NUP37: variants seen among roughly 807,000 people sequenced by gnomAD.
The protein encoded by NUP37 is nucleoporin 37.
In NUP37, 33 loss-of-function variants were observed where a neutral mutation model predicts 45.4. That is an observed-to-expected ratio of 0.73 (90% CI 0.55 to 0.97). The LOEUF is 0.97. Ranked by LOEUF, NUP37 falls within the 50% of genes least tolerant of loss-of-function variation. The pLI is 0.00. For missense variants in NUP37, 365 were observed against 389.7 expected (o/e 0.94, Z 0.53); for synonymous variants, 127 against 130.7 (o/e 0.97, Z 0.19).
Position 102,077,387 on chromosome 12 carries a change from T to G in NUP37, c.657A>C (p.Lys219Asn). 6.2e-7 allele frequency: 1 copy of G among 1,614,180 alleles called. No individual in the cohort carries two copies. Among genetic ancestry groups the G allele is most frequent in the Non-Finnish European group, 8.5e-7 (1 of 1,180,008 alleles). ...CAACGGCTCCAACTTTGAAGGTGTT[T>G]TTTAAGCACCAGTGTGCTGACATTA... ...VPLMSAHWCLKNTFKVGAVAG... is the reference protein window; with the variant it reads ...VPLMSAHWCLNNTFKVGAVAG... The change falls in exon 7 of 10, where the codon AAA (lysine) becomes AAC (asparagine). Residue 219 changes from lysine (K) to asparagine (N), a missense_variant. Coordinates refer to ENST00000552283, the MANE Select transcript of NUP37 (RefSeq NM_024057.4).
At chr12:102,095,127 C>G (rs1270138289) in intron 5 of NUP37, among the ~76,000 whole-genome samples, 1 of 152,042 alleles carries the variant, frequency 6.6e-6, no homozygotes, top group Non-Finnish European at 1.5e-5. Flanking sequence ...TTCTAATATA[C>G]AAGAACATCT....
At chr12:102,096,685 AAT>A (rs1168470540) in intron 5 of NUP37, among the ~76,000 whole-genome samples, 1 of 152,132 alleles carries the variant, frequency 6.6e-6, no homozygotes, top group East Asian at 1.9e-4. Flanking sequence ...ATAATGTAAG[AAT>A]ATATATGTGA....
rs1251958419 is a variant in NUP37 at position 102,118,348 on chromosome 12, G to C, written c.156+15C>G. ...AATATGTTCACTGTCATTCGGTGCA[G>C]TTTTGTAGACTAACCTGAAACGTAC... On this transcript the variant is annotated intron_variant, in intron 2 of 9. Coordinates refer to ENST00000552283, the MANE Select transcript of NUP37 (RefSeq NM_024057.4). The C allele has an allele frequency of 6.2e-7, 1 of 1,607,118 alleles. No individual in the cohort carries two copies. Among genetic ancestry groups the C allele is most frequent in the African/African-American group, 1.3e-5 (1 of 74,694 alleles).
chr12:102,095,626 T>G (rs1447061618), intron 5 of NUP37, among the ~76,000 whole-genome samples: 1 of 152,098 alleles, frequency 6.6e-6, no homozygotes, highest in Non-Finnish European at 1.5e-5. Context: ...ACCTTTTTCA[T>G]AAAGATACAT....
intron 8 of NUP37, 139 bp downstream of exon 8, chr12:102,076,658 G>C (rs371375086): frequency 1.6e-6 from 1 of 632,700 alleles, no homozygotes; most frequent in Admixed American, 3.0e-5. Flanking sequence ...GACTTAGTCG[G>C]GAAAGTAAAA....
chr12:102,098,679 G>A (rs201681002), intron 5 of NUP37, among the ~76,000 whole-genome samples: 6 of 151,976 alleles, frequency 3.9e-5, no homozygotes, highest in East Asian at 1.9e-4. Flanking sequence ...TCACAAGTGC[G>A]CACTACCGTG....
chr12:102,099,395 A>T (rs1389731796), intron 4 of NUP37, among the ~76,000 whole-genome samples, 195 bp from the exon 5 acceptor site: 1 of 152,146 alleles, frequency 6.6e-6, no homozygotes, highest in East Asian at 1.9e-4. Flanking sequence ...TGGGAAAAAA[A>T]TTGATCATTC....
chr12:102,118,269 C>A, intron 2 of NUP37, 94 bp downstream of exon 2: 2 of 1,157,474 alleles, frequency 1.7e-6, no homozygotes, highest in South Asian at 1.7e-5. Flanking sequence ...AACATTCAAA[C>A]TCAATATACT....
chr12:102,118,247 T>C (rs77799466), intron 2 of NUP37, 116 bp downstream of exon 2: 2 of 340,572 alleles, frequency 5.9e-6, no homozygotes, highest in Non-Finnish European at 9.5e-6. Flanking sequence ...GGATCTTATC[T>C]TTTTTTTTTT....
At chr12:102,088,761 G>A (rs1879550341) in intron 5 of NUP37, among the ~76,000 whole-genome samples, 1 of 150,390 alleles carries the variant, frequency 6.6e-6, no homozygotes, top group African/African-American at 2.5e-5. Flanking sequence ...TCTCGGAGAG[G>A]GGGATGTGGC....
chr12:102,097,425 T>C (rs1879836164), intron 5 of NUP37, among the ~76,000 whole-genome samples: 1 of 151,964 alleles, frequency 6.6e-6, no homozygotes, highest in African/African-American at 2.4e-5. Flanking sequence ...ATGTCCTTTC[T>C]TTTACAAAAT....
chr12:102,078,153 C>T (rs1879230135), intron 6 of NUP37, among the ~76,000 whole-genome samples: 1 of 150,466 alleles, frequency 6.6e-6, no homozygotes, highest in Non-Finnish European at 1.5e-5. Context: ...CATGGTGAAA[C>T]CCCGTCTCTA....
chr12:102,106,269 G>C (rs957758051), intron 3 of NUP37, among the ~76,000 whole-genome samples: 2 of 152,094 alleles, frequency 1.3e-5, no homozygotes, highest in Non-Finnish European at 2.9e-5. Context: ...TCATGTTTGT[G>C]GTGGTTTGTT....
At chr12:102,109,366 T>C (rs1048261323) in intron 3 of NUP37, among the ~76,000 whole-genome samples, 5 of 152,142 alleles carry the variant, frequency 3.3e-5, no homozygotes, top group Non-Finnish European at 7.3e-5. Flanking sequence ...ACCTTAGTCA[T>C]GGTGATAGAC....
Position 102,086,279 on chromosome 12 carries a change from G to A in NUP37, c.450-423C>T, listed in dbSNP as rs1269453946. The stretch of plus-strand genomic sequence containing the variant: ...ACAAACACACACACGCATGCAAGCC[G>A]AGTATTTTTATTTTCAAAACAACAT... On this transcript the variant is annotated intron_variant, in intron 5 of 9. Coordinates refer to ENST00000552283, the MANE Select transcript of NUP37 (RefSeq NM_024057.4). 4.6e-5 allele frequency among the ~76,000 whole-genome samples: 7 copies of A among 152,126 alleles called. No homozygotes were observed. The South Asian group carries it at 1.2e-3, about 27-fold the overall frequency.
At chr12:102,103,079 T>C (rs1880021766) in intron 3 of NUP37, among the ~76,000 whole-genome samples, 1 of 152,140 alleles carries the variant, frequency 6.6e-6, no homozygotes, top group African/African-American at 2.4e-5. Context: ...CTATCTGGGG[T>C]GTTTTATAAT....
At chr12:102,094,462 A>G (rs915472428) in intron 5 of NUP37, among the ~76,000 whole-genome samples, 4 of 151,448 alleles carry the variant, frequency 2.6e-5, no homozygotes, top group Non-Finnish European at 5.9e-5. Flanking sequence ...TCCCACAAGG[A>G]CTATTTTTAG....
At chr12:102,111,997 T>C (rs1880330465) in intron 3 of NUP37, 111 bp downstream of exon 3, 1 of 998,934 alleles carries the variant, frequency 1.0e-6, no homozygotes, top group Non-Finnish European at 1.5e-6. Flanking sequence ...TCTAATATCT[T>C]GGATTGTGGA....
chr12:102,096,672 G>A (rs1465979142), intron 5 of NUP37, among the ~76,000 whole-genome samples: 1 of 152,144 alleles, frequency 6.6e-6, no homozygotes, highest in East Asian at 1.9e-4. Flanking sequence ...TGTCACATAT[G>A]TGATAATGTA....
Sources: allele counts gnomAD v4.1 joint callset (sites outside exome capture counted in the v4.1 genomes callset), GRCh38; gene constraint gnomAD v4.1.1; transcripts MANE v1.5; gene names NCBI Gene and HGNC (gene_info 2026-07-23, HGNC 2026-07-21).